The following EFCAB14 variants were observed in gnomAD, a reference collection of about 807,000 sequenced individuals.
EFCAB14 encodes the protein EF-hand calcium-binding domain-containing protein 14.
In EFCAB14, 43 loss-of-function variants were observed where a neutral mutation model predicts 56.5. The observed-to-expected ratio is 0.76, with a 90% CI of 0.60 to 0.98. The LOEUF is 0.98. Among genes scored for constraint, EFCAB14 ranks in the 50% least tolerant of loss-of-function variants. The pLI is 0.00. For missense variants in EFCAB14, 538 were observed against 580.3 expected (o/e 0.93, Z 0.75); for synonymous variants, 235 against 212.9 (o/e 1.10, Z -0.90).
intron 2 of EFCAB14, among the ~76,000 whole-genome samples, chr1:46,714,868 T>C (rs1239816299): frequency 6.6e-6 from 1 of 152,028 alleles, no homozygotes; most frequent in Non-Finnish European, 1.5e-5. Context: ...AATATAACTT[T>C]ACAATTTAGA....
At chr1:46,715,891 C>T (rs1034299791) in intron 2 of EFCAB14, among the ~76,000 whole-genome samples, 2 of 152,082 alleles carry the variant, frequency 1.3e-5, no homozygotes, top group African/African-American at 4.8e-5. Context: ...GGGCAAAAAT[C>T]TTCGTTCAGC....
intron 2 of EFCAB14, among the ~76,000 whole-genome samples, chr1:46,714,454 A>G (rs1434168546): frequency 6.6e-6 from 1 of 151,474 alleles, no homozygotes; most frequent in Non-Finnish European, 1.5e-5. Context: ...AAAAAATTCT[A>G]TGTTAAATTC....
chr1:46,691,079 G>A (rs1279834319), intron 5 of EFCAB14, among the ~76,000 whole-genome samples: 1 of 152,122 alleles, frequency 6.6e-6, no homozygotes, highest in Non-Finnish European at 1.5e-5. Context: ...CACCCATTAA[G>A]TGATTGATTA....
In EFCAB14 at chr1:46,686,841, T is replaced by C. The variant is rs774879054; in HGVS notation, c.1017A>G (p.Arg339=). 3.1e-6 allele frequency: 5 copies of C among 1,613,722 alleles called. No individual in the cohort carries two copies. The Admixed American group carries it at 6.7e-5, about 22-fold the overall frequency. Reference sequence around the variant, plus strand: ...TGTTGGTGACTTGATCCAAAGACTGTCTTTTCAGAGTGGCAGATCTATCAC... The same window carrying C: ...TGTTGGTGACTTGATCCAAAGACTGCCTTTTCAGAGTGGCAGATCTATCAC... ...MMGDRSATLK[R]QSLDQVTNRT... The change falls in exon 8 of 11, where the codon AGA becomes AGG. Residue 339 remains arginine (R), a synonymous_variant. Transcript: ENST00000371933.
intron 4 of EFCAB14, among the ~76,000 whole-genome samples, chr1:46,694,954 C>G (rs1677056763): frequency 6.6e-6 from 1 of 151,930 alleles, no homozygotes; most frequent in South Asian, 2.1e-4. Flanking sequence ...TGGAAACCAT[C>G]ATTCTCAGCA....
intron 1 of EFCAB14, among the ~76,000 whole-genome samples, chr1:46,716,846 T>G (rs1426653230): frequency 6.6e-6 from 1 of 152,250 alleles, no homozygotes; most frequent in Non-Finnish European, 1.5e-5. Flanking sequence ...CCGGGGAACC[T>G]TGCTCCAGTT....
intron 3 of EFCAB14, among the ~76,000 whole-genome samples, chr1:46,699,315 C>T (rs748603624): frequency 1.3e-5 from 2 of 151,632 alleles, no homozygotes; most frequent in African/African-American, 4.9e-5. Flanking sequence ...AGGGTGGCAT[C>T]GGGGGATAGG....
At chr1:46,695,665 G>C (rs11579436) in intron 4 of EFCAB14, among the ~76,000 whole-genome samples, 1 of 152,044 alleles carries the variant, frequency 6.6e-6, no homozygotes, top group African/African-American at 2.4e-5. Context: ...GTTCGAATTA[G>C]GCACCTCTTC....
chr1:46,678,742 C>A, intron 10 of EFCAB14, 106 bp from the exon 11 acceptor site: 2 of 1,059,580 alleles, frequency 1.9e-6, no homozygotes, highest in Admixed American at 3.6e-5. Flanking sequence ...AGCTACTCCG[C>A]AAATTTTGTT....
intron 3 of EFCAB14, among the ~76,000 whole-genome samples, chr1:46,707,358 C>A (rs1453031915): frequency 6.6e-6 from 1 of 152,140 alleles, no homozygotes; most frequent in African/African-American, 2.4e-5. Context: ...CTGGCAGAGT[C>A]CCACTTCTGG....
chr1:46,714,693 G>A (rs1305968348), intron 2 of EFCAB14, among the ~76,000 whole-genome samples: 1 of 151,706 alleles, frequency 6.6e-6, no homozygotes, highest in African/African-American at 2.4e-5. Flanking sequence ...GATTGGGGGT[G>A]TGGGGTGCTG....
At chr1:46,680,161 C>A (rs1676769444) in intron 10 of EFCAB14, among the ~76,000 whole-genome samples, 1 of 152,070 alleles carries the variant, frequency 6.6e-6, no homozygotes, top group African/African-American at 2.4e-5. Context: ...AGGAGTTCCT[C>A]AAAAAGTTAG....
intron 10 of EFCAB14, 143 bp downstream of exon 10, chr1:46,683,157 T>A (rs111734325): frequency 1.8e-5 from 16 of 909,956 alleles, no homozygotes; most frequent in Non-Finnish European, 2.3e-5. Context: ...CAGGATTATA[T>A]GACATAATGC....
intron 2 of EFCAB14, among the ~76,000 whole-genome samples, chr1:46,712,694 G>GA (rs999816433): frequency 2.6e-5 from 4 of 151,432 alleles, no homozygotes; most frequent in Admixed American, 6.6e-5. Flanking sequence ...TGAAAAACAA[G>GA]AAAAAAAAAT....
chr1:46,678,345 C>T lies in EFCAB14; in HGVS notation c.*116G>A, dbSNP rs1676729107. The T allele has an allele frequency of 1.9e-6, 2 of 1,070,822 alleles. No individual in the cohort carries two copies. The highest frequency in any genetic ancestry group is 5.2e-5 in the East Asian group (2 of 38,272). The allele number at this position is 1,070,822 out of a possible 1,614,324, so 66.3% of individuals were successfully genotyped here. On this transcript the variant is annotated 3_prime_UTR_variant, in exon 11 of 11. Transcript: ENST00000371933. The stretch of plus-strand genomic sequence containing the variant: ...CTTCTTCAAACAAGTTAAAAGGTGG[C>T]AAAGTATCTGCTACAGTAGTTTGGA...
chr1:46,697,969 A>G (rs1677101099), intron 3 of EFCAB14, among the ~76,000 whole-genome samples: 1 of 150,552 alleles, frequency 6.6e-6, no homozygotes, highest in Admixed American at 6.7e-5. Flanking sequence ...CTCGTGCCTC[A>G]GCCTCCTGAG....
intron 10 of EFCAB14, among the ~76,000 whole-genome samples, chr1:46,681,506 G>A (rs1233655826): frequency 6.6e-6 from 1 of 152,168 alleles, no homozygotes; most frequent in African/African-American, 2.4e-5. Context: ...CCATCAAGGA[G>A]CTCCTATAAA....
In EFCAB14 at chr1:46,678,101, G is replaced by T. The variant is rs1676723749; in HGVS notation, c.*360C>A. 6.2e-6 allele frequency: 1 copy of T among 162,396 alleles called. No homozygotes were observed. Among genetic ancestry groups the T allele is most frequent in the African/African-American group, 2.4e-5 (1 of 41,746 alleles). The allele number at this position is 162,396 out of a possible 1,614,324, so 10.1% of individuals were successfully genotyped here. A position where few individuals can be genotyped will look rare whatever the true frequency, so the allele number is the denominator to read the frequency against. On this transcript the variant is annotated 3_prime_UTR_variant, in exon 11 of 11. Transcript: ENST00000371933. ...TGCAGCTAATTTAAGGCAAATTTAA[G>T]TGAAATATAAAAGTGGCTTATTCTC...
chr1:46,690,929 T>C (rs765998584), intron 5 of EFCAB14, among the ~76,000 whole-genome samples: 12 of 152,100 alleles, frequency 7.9e-5, no homozygotes, highest in African/African-American at 2.4e-4. Context: ...GATCCAGAAA[T>C]TGGCAGAGAG....
Sources: allele counts gnomAD v4.1 joint callset (sites outside exome capture counted in the v4.1 genomes callset), GRCh38; gene constraint gnomAD v4.1.1; transcripts MANE v1.5; gene names NCBI Gene and HGNC (gene_info 2026-07-23, HGNC 2026-07-21).